Variants in SLC6A4 observed in about 807,000 individuals in gnomAD.
SLC6A4 encodes sodium-dependent serotonin transporter.
Under a neutral mutation model 73.4 loss-of-function variants are expected in SLC6A4, and 22 were observed. The ratio of observed to expected loss-of-function variants is 0.30; its 90% CI spans 0.21 to 0.43. SLC6A4 has a LOEUF of 0.43. Among genes scored for constraint, SLC6A4 ranks in the 20% least tolerant of loss-of-function variants. The pLI is 1.00. For synonymous variants in SLC6A4, 270 were observed against 315.5 expected (o/e 0.86, Z 1.53); for missense variants, 593 against 808.5 (o/e 0.73, Z 3.23).
chr17:30,205,328 T>C lies in SLC6A4; in HGVS notation c.1651-1989A>G, dbSNP rs149509974. ...TTCCTCACTGCGTGGGGAATAAATATGGAAGTAAACAAACAAACAAACAAA... is the reference window on the plus strand; with the variant it reads ...TTCCTCACTGCGTGGGGAATAAATACGGAAGTAAACAAACAAACAAACAAA... On this transcript the variant is annotated intron_variant, in intron 13 of 14. Coordinates refer to ENST00000650711, the MANE Select transcript of SLC6A4 (RefSeq NM_001045.6). Among the ~76,000 whole-genome samples, 56 of 152,218 alleles carry C rather than the reference T, an allele frequency of 3.7e-4. No individual in the cohort carries two copies. The East Asian group carries it at 7.9e-3, about 22-fold the overall frequency.
chr17:30,205,849 G>T (rs1022323865), intron 13 of SLC6A4: 2 of 152,114 alleles, frequency 1.3e-5, no homozygotes, highest in African/African-American at 4.8e-5. Flanking sequence ...GGGTACAAAA[G>T]AAGTACAAAA....
intron 13 of SLC6A4, 115 bp downstream of exon 13, chr17:30,207,617 A>G: frequency 1.5e-6 from 1 of 685,214 alleles, no homozygotes; most frequent in Non-Finnish European, 2.6e-6. Flanking sequence ...TCAGACTCCC[A>G]AAGTGTTGGG....
At chr17:30,228,667 G>A (rs1906997186) in intron 1 of SLC6A4, among the ~76,000 whole-genome samples, 1 of 152,172 alleles carries the variant, frequency 6.6e-6, no homozygotes, top group African/African-American at 2.4e-5. Flanking sequence ...ACAGTGCCGT[G>A]TGCGTCCCCA....
chr17:30,231,344 G>GTATATA (rs1907108905), intron 1 of SLC6A4, among the ~76,000 whole-genome samples: 1 of 150,284 alleles, frequency 6.7e-6, no homozygotes, highest in South Asian at 2.1e-4. Context: ...ATATATATCT[G>GTATATA]TAGGTATACA....
At chr17:30,215,509 C>G in intron 8 of SLC6A4, 102 bp downstream of exon 8, 3 of 945,554 alleles carry the variant, frequency 3.2e-6, no homozygotes, top group Middle Eastern at 2.1e-4. Flanking sequence ...AAGGCCTAAG[C>G]CTGGCCAGAT....
intron 3 of SLC6A4, among the ~76,000 whole-genome samples, chr17:30,220,288 G>A (rs903823703): frequency 6.6e-6 from 1 of 152,166 alleles, no homozygotes; most frequent in Non-Finnish European, 1.5e-5. Flanking sequence ...CAAGCTTGAC[G>A]CATCTGACAC....
chr17:30,213,006 C>T (rs1284592925), intron 8 of SLC6A4, 139 bp from the exon 9 acceptor site: 5 of 882,662 alleles, frequency 5.7e-6, no homozygotes, highest in Non-Finnish European at 8.6e-6. Flanking sequence ...GAACCTCAAG[C>T]CTGTCCCGGA....
rs768866921 is a variant in SLC6A4, at chr17:30,217,242, T to G, written c.761A>C (p.Gln254Pro). 6.2e-7 allele frequency: 1 copy of G among 1,614,072 alleles called. No individual in the cohort carries two copies. The highest frequency in any genetic ancestry group is 8.5e-7 in the Non-Finnish European group (1 of 1,179,906). ...GLQDLGGISW[Q>P]LALCIMLIFT... ...GATCAGCATGATGCAGAGGGCCAGC[T>G]GCCAGCTGATGCCCCCCAGGTCCTG... Residue 254 changes from glutamine to proline, a missense_variant, in exon 6 of 15, where the codon CAG becomes CCG. Transcript: ENST00000650711.
At chr17:30,204,465 G>C (rs1906127803) in intron 13 of SLC6A4, 1 of 152,036 alleles carries the variant, frequency 6.6e-6, no homozygotes, top group African/African-American at 2.4e-5. Context: ...CGGCTATGAA[G>C]AAAGATGGTT....
At chr17:30,216,609 A>G (rs1906583199) in intron 6 of SLC6A4, among the ~76,000 whole-genome samples, 4 of 140,150 alleles carry the variant, frequency 2.9e-5, no homozygotes, top group Admixed American at 1.4e-4. Context: ...AGGAATCTTG[A>G]AAAAAAAAAA....
At chr17:30,219,610 C>T (rs559725190) in intron 3 of SLC6A4, among the ~76,000 whole-genome samples, 1 of 152,290 alleles carries the variant, frequency 6.6e-6, no homozygotes, top group Non-Finnish European at 1.5e-5. Context: ...CCCTGACAAG[C>T]GCCGTTTGCA....
At chr17:30,214,927 C>G (rs1184335531) in intron 8 of SLC6A4, among the ~76,000 whole-genome samples, 3 of 151,774 alleles carry the variant, frequency 2.0e-5, no homozygotes, top group African/African-American at 7.3e-5. Flanking sequence ...GCCACCGCAC[C>G]CCGTCTCTCT....
In SLC6A4 at chr17:30,197,173, T is replaced by C. The variant is rs1905889454; in HGVS notation, c.*1283A>G. ...ACCAAAGGCCAAATTTACTTATCTA[T>C]ATTAAGGGCCTTATGTGAAATGAAA... On this transcript the variant is annotated 3_prime_UTR_variant, in exon 15 of 15. Coordinates refer to ENST00000650711, the MANE Select transcript of SLC6A4 (RefSeq NM_001045.6). 1 of 152,360 alleles carries C rather than the reference T, an allele frequency of 6.6e-6. No homozygotes were observed. The highest frequency in any genetic ancestry group is 2.1e-4 in the South Asian group (1 of 4,832). 9.4% of individuals were successfully genotyped at this position (152,360 alleles called of 1,614,324 possible).
rs766571328 is a variant in SLC6A4 at position 30,221,725 on chromosome 17, T to C, written c.234A>G (p.Glu78=). 2 of 1,614,196 alleles carry C rather than the reference T, an allele frequency of 1.2e-6. No homozygotes were observed. Among genetic ancestry groups the C allele is most frequent in the Non-Finnish European group, 8.5e-7 (1 of 1,180,034 alleles). The change falls in exon 3 of 15, where the codon GAA becomes GAG. Residue 78 remains glutamate (E), a synonymous_variant. Transcript: ENST00000650711. ...CCACCTTCTTGCCCCAGGTCTCCCG[T>C]TCCCCTTGATGAAGCTCAGCCACTA... ...TTLVAELHQG[E]RETWGKKVDF... is the part of the protein sequence containing the mutation.
intron 13 of SLC6A4, among the ~76,000 whole-genome samples, chr17:30,203,860 A>T (rs1906110163): frequency 1.3e-5 from 2 of 152,222 alleles, no homozygotes; most frequent in Non-Finnish European, 1.5e-5. Flanking sequence ...AGGAAAGATA[A>T]GAAGGTTCTC....
Position 30,196,525 on chromosome 17 carries a change from A to C in SLC6A4, c.*1931T>G, listed in dbSNP as rs2143012777. 1 of 152,466 alleles carries C rather than the reference A, an allele frequency of 6.6e-6. No homozygotes were observed. Among genetic ancestry groups the C allele is most frequent in the East Asian group, 1.9e-4 (1 of 5,334 alleles). The allele number at this position is 152,466 out of a possible 1,614,324, so 9.4% of individuals were successfully genotyped here. A position where few individuals can be genotyped will look rare whatever the true frequency, so the allele number is the denominator to read the frequency against. On this transcript the variant is annotated 3_prime_UTR_variant, in exon 15 of 15. Coordinates refer to ENST00000650711, the MANE Select transcript of SLC6A4 (RefSeq NM_001045.6). The stretch of plus-strand genomic sequence containing the variant: ...AGTATGTGGGGTGGGGAGAATCCAT[A>C]TCCGAATATCTTCATAAAGCAAGTT...
intron 12 of SLC6A4, 145 bp from the exon 13 acceptor site, chr17:30,207,977 G>T: frequency 1.6e-6 from 1 of 618,848 alleles, no homozygotes; most frequent in Non-Finnish European, 2.9e-6. Context: ...TTCCTACCCC[G>T]GACACACAGG....
rs755613830 is a variant in SLC6A4, at chr17:30,218,118, G to A, written c.698C>T (p.Thr233Met). ...CAACCCCTCACTTACGTGCACTTAC[G>A]TGTAAAATTCTTCAGCAGGGGACGT... ...HSTSPAEEFY[T>M]RHVLQIHRSK... Residue 233 changes from threonine to methionine, a missense_variant and splice_region_variant, in exon 5 of 15, where the codon ACG (threonine) becomes ATG (methionine). Transcript: ENST00000650711. 50 of 1,613,502 alleles carry A rather than the reference G, an allele frequency of 3.1e-5. No individual in the cohort carries two copies. Among genetic ancestry groups the A allele is most frequent in the Middle Eastern group, 1.7e-4 (1 of 6,060 alleles).
chr17:30,228,154 C>T (rs2143016250), intron 1 of SLC6A4, among the ~76,000 whole-genome samples: 1 of 152,340 alleles, frequency 6.6e-6, no homozygotes, highest in East Asian at 1.9e-4. Context: ...CATAGCTCTC[C>T]TTTCTGTTTC....
Sources: gnomAD v4.1 joint callset for allele counts (sites outside exome capture counted in the v4.1 genomes callset) on GRCh38, gnomAD v4.1.1 for gene constraint, MANE v1.5 for transcripts, NCBI Gene and HGNC (gene_info 2026-07-23, HGNC 2026-07-21) for gene names.